UBE2D3: variants seen among roughly 807,000 people sequenced by gnomAD.
The protein encoded by UBE2D3 is ubiquitin-conjugating enzyme E2 D3.
UBE2D3 carries 2 observed loss-of-function variants against 22.8 expected under a neutral mutation model. The ratio of observed to expected loss-of-function variants is 0.09; its 90% CI spans 0.04 to 0.28. The LOEUF is 0.28. UBE2D3 is among the 10% of genes least tolerant of loss of function. The probability of loss-of-function intolerance (pLI) is 1.00; values close to 1 mark genes in which losing one functional copy is unlikely to be tolerated. For missense variants in UBE2D3, 27 were observed against 182.5 expected (o/e 0.15, Z 4.91); for synonymous variants, 56 against 60.4 (o/e 0.93, Z 0.34).
chr4:102,826,895 G>T, intron 1 of UBE2D3: 1 of 1,051,350 alleles, frequency 9.5e-7, no homozygotes, highest in South Asian at 3.3e-5. Flanking sequence ...GGAGAAAGGG[G>T]TGGGTGCGGG....
At chr4:102,801,628 A>G in intron 5 of UBE2D3, 69 bp from the exon 6 acceptor site, 1 of 1,261,328 alleles carries the variant, frequency 7.9e-7, no homozygotes, top group South Asian at 1.4e-5. Context: ...AACTTAAAAT[A>G]ATCAAGCCAC....
intron 1 of UBE2D3, among the ~76,000 whole-genome samples, chr4:102,845,795 A>G (rs1732013281): frequency 6.6e-6 from 1 of 151,840 alleles, no homozygotes; most frequent in Admixed American, 6.6e-5. Flanking sequence ...ATTTATTTAT[A>G]TTTTTATGTT....
intron 1 of UBE2D3, among the ~76,000 whole-genome samples, chr4:102,842,543 G>A (rs374129929): frequency 4.0e-5 from 6 of 150,620 alleles, no homozygotes; most frequent in African/African-American, 1.5e-4. Context: ...GTGACAGAAA[G>A]CCTGTCTTAA....
chr4:102,802,852 G>A (rs145098563), intron 4 of UBE2D3, among the ~76,000 whole-genome samples: 27 of 151,954 alleles, frequency 1.8e-4, no homozygotes, highest in Admixed American at 9.2e-4. Flanking sequence ...CATTTTACAC[G>A]TCACCAAAAT....
intron 1 of UBE2D3, among the ~76,000 whole-genome samples, chr4:102,865,452 A>G (rs2110384411): frequency 6.7e-6 from 1 of 149,234 alleles, no homozygotes; most frequent in African/African-American, 2.5e-5. Context: ...AGATCGCGCC[A>G]TTGCACTCCA....
intron 4 of UBE2D3, among the ~76,000 whole-genome samples, chr4:102,808,892 TACTG>T (rs1389224825): frequency 6.6e-6 from 1 of 152,146 alleles, no homozygotes; most frequent in Middle Eastern, 3.2e-3. Context: ...AAATATTACT[TACTG>T]ACCATTATCT....
chr4:102,824,995 C>T (rs1225096916), intron 2 of UBE2D3, among the ~76,000 whole-genome samples: 1 of 152,064 alleles, frequency 6.6e-6, no homozygotes, highest in Admixed American at 6.6e-5. Context: ...TTCGCATAAC[C>T]CAAAATGACG....
chr4:102,848,774 G>A lies in UBE2D3; in HGVS notation c.-129+19941C>T, dbSNP rs139081481. On this transcript the variant is annotated intron_variant, in intron 1 of 7. Transcript: ENST00000338145. ...GTTGAGGCTGCAGTGAGCTATGGTC[G>A]CACCACTGCACTCCATTCTGGGCAA... is the stretch of plus-strand genomic sequence containing the variant. Among the ~76,000 whole-genome samples the A allele has an allele frequency of 8.8e-3, 1,341 of 152,006 alleles. 13 individuals carry two copies. The highest frequency in any genetic ancestry group is 0.029 in the African/African-American group (1,216 of 41,454).
intron 2 of UBE2D3, among the ~76,000 whole-genome samples, chr4:102,823,142 G>A (rs532040979): frequency 1.3e-5 from 2 of 152,206 alleles, no homozygotes; most frequent in South Asian, 4.1e-4. Context: ...AGACTGCATT[G>A]TCTTAACTAC....
intron 1 of UBE2D3, chr4:102,837,099 A>G (rs996482732): frequency 2.0e-5 from 3 of 152,174 alleles, no homozygotes; most frequent in African/African-American, 7.2e-5. Context: ...CAGTCACACT[A>G]TGTCTATTTT....
chr4:102,856,314 C>T (rs1033375835), intron 1 of UBE2D3, among the ~76,000 whole-genome samples: 1 of 152,192 alleles, frequency 6.6e-6, no homozygotes, highest in African/African-American at 2.4e-5. Context: ...CTGCAGTGAG[C>T]TGAGATTGCG....
At chr4:102,864,318 C>T (rs1318004258) in intron 1 of UBE2D3, among the ~76,000 whole-genome samples, 1 of 39,444 alleles carries the variant, frequency 2.5e-5, no homozygotes, top group African/African-American at 2.4e-4. Flanking sequence ...TATTAAATGC[C>T]CTTTCTTGAC....
intron 1 of UBE2D3, among the ~76,000 whole-genome samples, chr4:102,833,208 TCA>T (rs1731210690): frequency 6.6e-6 from 1 of 152,060 alleles, no homozygotes; most frequent in African/African-American, 2.4e-5. Flanking sequence ...TGCCACAATT[TCA>T]TTTCTTTTAA....
chr4:102,805,556 G>A (rs1458184001), intron 4 of UBE2D3, among the ~76,000 whole-genome samples: 1 of 149,260 alleles, frequency 6.7e-6, no homozygotes, highest in Non-Finnish European at 1.5e-5. Flanking sequence ...GTGTGATCTC[G>A]GCTCACTGCA....
intron 7 of UBE2D3, chr4:102,798,814 A>C: frequency 1.1e-6 from 1 of 916,888 alleles, no homozygotes. Context: ...TACAGTTTTC[A>C]GAAGACTGCC....
At chr4:102,807,341 C>T (rs1001399902) in intron 4 of UBE2D3, among the ~76,000 whole-genome samples, 35 of 152,242 alleles carry the variant, frequency 2.3e-4, no homozygotes, top group African/African-American at 8.4e-4. Flanking sequence ...TTGGTGCACT[C>T]CACAGTAAGC....
exon 1 of UBE2D3, chr4:102,868,818 A>G: frequency 6.2e-7 from 1 of 1,603,526 alleles, no homozygotes; most frequent in Non-Finnish European, 8.5e-7. Flanking sequence ...TAAAGGCCCA[A>G]GAGGAGGGCC....
upstream of UBE2D3, chr4:102,828,047 G>A (rs1730863272): frequency 5.1e-6 from 5 of 985,468 alleles, no homozygotes; most frequent in South Asian, 4.7e-5. Flanking sequence ...TCCTGACGGG[G>A]TTCCGCCTCC....
At chr4:102,840,326 G>A (rs1731678116) in intron 1 of UBE2D3, among the ~76,000 whole-genome samples, 1 of 152,196 alleles carries the variant, frequency 6.6e-6, no homozygotes, top group African/African-American at 2.4e-5. Flanking sequence ...TTACGTGTCC[G>A]TCAACAGATG....
Sources: allele counts gnomAD v4.1 joint callset (sites outside exome capture counted in the v4.1 genomes callset), GRCh38; gene constraint gnomAD v4.1.1; transcripts MANE v1.5; gene names NCBI Gene and HGNC (gene_info 2026-07-23, HGNC 2026-07-21).